SH3BGRL: variants seen among roughly 807,000 people sequenced by gnomAD.
SH3BGRL encodes SH3 domain binding glutamate rich protein like.
In SH3BGRL, 7 loss-of-function variants were observed where a neutral mutation model predicts 9.8. That is an observed-to-expected ratio of 0.72 (90% CI 0.41 to 1.35). The LOEUF (loss-of-function observed/expected upper bound fraction) is 1.35, where lower values mean the gene tolerates loss of function less well. Among genes scored for constraint, SH3BGRL ranks in the 40% most tolerant of loss-of-function variants. SH3BGRL has a pLI of 0.01. For missense variants in SH3BGRL, 73 were observed against 84.4 expected (o/e 0.86, Z 0.53); for synonymous variants, 36 against 29.1 (o/e 1.24, Z -0.76).
At chrX:81,268,008 T>C (rs376741032) in intron 1 of SH3BGRL, among the ~76,000 whole-genome samples, 1 of 111,829 alleles carries the variant, frequency 8.9e-6, no homozygotes. Flanking sequence ...TTCGTAGAGG[T>C]GTTTATAGTA....
At position 81,289,908 on chromosome X, in the gene SH3BGRL, G is replaced by A. The variant is rs372155383; in HGVS notation, c.313-7287G>A. On this transcript the variant is annotated intron_variant, in intron 3 of 3. Coordinates refer to ENST00000373212, the MANE Select transcript of SH3BGRL (RefSeq NM_003022.3). Reference sequence around the variant, plus strand: ...AAAATTCTAATAATCCAATTAAAACGTAGGCAAAAGATTTGAATAATCCTT... The same window carrying A: ...AAAATTCTAATAATCCAATTAAAACATAGGCAAAAGATTTGAATAATCCTT... Among the ~76,000 whole-genome samples, 8 of 111,876 alleles carry A rather than the reference G, an allele frequency of 7.2e-5. No homozygotes were observed. In the East Asian group the frequency reaches 2.0e-3, roughly 27 times the overall value.
intron 3 of SH3BGRL, among the ~76,000 whole-genome samples, chrX:81,282,044 C>T (rs2075819121): frequency 9.0e-6 from 1 of 111,659 alleles, no homozygotes; most frequent in Admixed American, 9.5e-5. Context: ...TTATAACAGA[C>T]AAAACAAACT....
chrX:81,241,602 G>A (rs933893154), intron 1 of SH3BGRL, among the ~76,000 whole-genome samples: 1 of 111,895 alleles, frequency 8.9e-6, no homozygotes, highest in Non-Finnish European at 1.9e-5. Context: ...GGTCTCCTGA[G>A]TGTTCTGTCA....
intron 1 of SH3BGRL, among the ~76,000 whole-genome samples, chrX:81,223,858 CT>C (rs951624070): frequency 2.7e-5 from 3 of 110,741 alleles, no homozygotes; most frequent in African/African-American, 9.9e-5. Context: ...TTAAAAAAAA[CT>C]TTTTTTTGTA....
chrX:81,291,750 A>G (rs1220309468), intron 3 of SH3BGRL, among the ~76,000 whole-genome samples: 1 of 112,464 alleles, frequency 8.9e-6, no homozygotes, highest in Non-Finnish European at 1.9e-5. Context: ...ATACAGTAGG[A>G]GTACAGGCAT....
At chrX:81,211,572 G>A (rs1029655381) in intron 1 of SH3BGRL, among the ~76,000 whole-genome samples, 2 of 110,512 alleles carry the variant, frequency 1.8e-5, no homozygotes, top group Admixed American at 9.5e-5. Flanking sequence ...GGGCTACAGA[G>A]CGAGACTCCG....
chrX:81,250,661 C>T (rs2075706832), intron 1 of SH3BGRL, among the ~76,000 whole-genome samples: 2 of 111,401 alleles, frequency 1.8e-5, no homozygotes, highest in South Asian at 7.5e-4. Context: ...TTTTTTTTCT[C>T]CTCGGAACAA....
At chrX:81,211,363 A>T (rs1165366752) in intron 1 of SH3BGRL, among the ~76,000 whole-genome samples, 6 of 111,530 alleles carry the variant, frequency 5.4e-5, no homozygotes, top group Non-Finnish European at 7.5e-5. Flanking sequence ...AGGCGGGCGG[A>T]TCACGAGGTC....
intron 1 of SH3BGRL, among the ~76,000 whole-genome samples, chrX:81,273,168 A>G (rs1462407109): frequency 1.8e-5 from 2 of 111,922 alleles, no homozygotes; most frequent in Non-Finnish European, 3.8e-5. Flanking sequence ...TTTCACCAGA[A>G]CTATAGATTG....
intron 1 of SH3BGRL, among the ~76,000 whole-genome samples, chrX:81,231,297 G>A (rs1338792943): frequency 8.9e-6 from 1 of 112,130 alleles, no homozygotes; most frequent in Non-Finnish European, 1.9e-5. Context: ...GGAGTCAAGG[G>A]AATACTTATC....
At chrX:81,240,805 G>T (rs1569361879) in intron 1 of SH3BGRL, among the ~76,000 whole-genome samples, 1 of 112,884 alleles carries the variant, frequency 8.9e-6, no homozygotes, top group East Asian at 2.8e-4. Context: ...GGTGGTGGTG[G>T]TGTGTCTGGA....
chrX:81,231,918 A>C lies in SH3BGRL; in HGVS notation c.45+29673A>C, dbSNP rs182166633. On this transcript the variant is annotated intron_variant, in intron 1 of 3. Coordinates refer to ENST00000373212, the MANE Select transcript of SH3BGRL (RefSeq NM_003022.3). ...CGTAGTAGATGCTGAATATATATGC[A>C]TGTTCACATATATTTATATGCATGT... Among the ~76,000 whole-genome samples, 375 of 111,778 alleles carry C rather than the reference A, an allele frequency of 3.4e-3. 2 individuals are homozygous for C. The highest frequency in any genetic ancestry group is 6.4e-3 in the Non-Finnish European group (337 of 53,028).
At chrX:81,286,314 T>A (rs762820268) in intron 3 of SH3BGRL, among the ~76,000 whole-genome samples, 12 of 110,060 alleles carry the variant, frequency 1.1e-4, no homozygotes, top group African/African-American at 4.0e-4. Context: ...AGGGTATGGG[T>A]CAGAGAAATG....
intron 3 of SH3BGRL, 50 bp from the exon 4 acceptor site, chrX:81,297,145 T>C: frequency 9.1e-7 from 1 of 1,104,670 alleles, no homozygotes; most frequent in Non-Finnish European, 1.2e-6. Flanking sequence ...CACATGGGTG[T>C]CTGCTCTGTG....
chrX:81,278,062 A>G (rs1425447231), intron 2 of SH3BGRL, among the ~76,000 whole-genome samples: 3 of 111,660 alleles, frequency 2.7e-5, no homozygotes, highest in Non-Finnish European at 3.8e-5. Context: ...TCCCAGGCTC[A>G]AGCGATTCTC....
intron 1 of SH3BGRL, among the ~76,000 whole-genome samples, chrX:81,233,145 G>T (rs780831396): frequency 1.8e-4 from 20 of 111,731 alleles, no homozygotes; most frequent in African/African-American, 5.8e-4. Context: ...TTTTACAATT[G>T]ATTGGGAGAA....
chrX:81,209,873 T>C (rs185960494), intron 1 of SH3BGRL, among the ~76,000 whole-genome samples: 223 of 111,659 alleles, frequency 2.0e-3, no homozygotes, highest in Middle Eastern at 0.014. Flanking sequence ...AAATAATATT[T>C]GTCTGTACTT....
At chrX:81,270,509 C>T (rs1164843390) in intron 1 of SH3BGRL, among the ~76,000 whole-genome samples, 6 of 111,885 alleles carry the variant, frequency 5.4e-5, no homozygotes, top group African/African-American at 1.6e-4. Flanking sequence ...TGGCGTTTGC[C>T]GGAGGTCCAC....
chrX:81,287,981 G>GAGAA (rs1365563419), intron 3 of SH3BGRL, among the ~76,000 whole-genome samples: 1 of 106,902 alleles, frequency 9.4e-6, no homozygotes, highest in Admixed American at 1.0e-4. Flanking sequence ...AAGAAAGAAA[G>GAGAA]AGAAAGAAAG....
Sources: allele counts gnomAD v4.1 joint callset (sites outside exome capture counted in the v4.1 genomes callset), GRCh38; gene constraint gnomAD v4.1.1; transcripts MANE v1.5; gene names NCBI Gene and HGNC (gene_info 2026-07-23, HGNC 2026-07-21).